FSHR: variants seen among roughly 807,000 people sequenced by gnomAD.
The protein encoded by FSHR is follicle stimulating hormone receptor.
In FSHR, 46 loss-of-function variants were observed where a neutral mutation model predicts 52.1. The ratio of observed to expected loss-of-function variants is 0.88; its 90% CI spans 0.70 to 1.13. FSHR has a LOEUF of 1.13. Among genes scored for constraint, FSHR ranks in the 50% most tolerant of loss-of-function variants. The probability of loss-of-function intolerance (pLI) is 0.00; values close to 1 mark genes in which losing one functional copy is unlikely to be tolerated. For missense variants in FSHR, 964 were observed against 834.6 expected (o/e 1.16, Z -1.91); for synonymous variants, 399 against 309.6 (o/e 1.29, Z -3.03).
At chr2:49,035,398 C>A (rs1171800662) in intron 2 of FSHR, among the ~76,000 whole-genome samples, 1 of 152,204 alleles carries the variant, frequency 6.6e-6, no homozygotes, top group African/African-American at 2.4e-5. Context: ...TAACATCATG[C>A]CCATCCAAGG....
intron 2 of FSHR, among the ~76,000 whole-genome samples, chr2:49,036,759 G>C (rs112088603): frequency 6.6e-6 from 1 of 152,152 alleles, no homozygotes; most frequent in East Asian, 1.9e-4. Flanking sequence ...CTTTAAAGGA[G>C]AGGGTGATAA....
intron 2 of FSHR, among the ~76,000 whole-genome samples, chr2:49,032,241 C>T (rs1241607541): frequency 1.3e-5 from 2 of 152,098 alleles, no homozygotes; most frequent in African/African-American, 4.8e-5. Context: ...TTGCTTTTGC[C>T]TTTATCAGGG....
rs543131250 is a variant in FSHR at position 48,998,448 on chromosome 2, G to T, written c.375-7811C>A. 2.6e-5 allele frequency among the ~76,000 whole-genome samples: 4 copies of T among 152,132 alleles called. No homozygotes were observed. In the East Asian group the frequency reaches 7.7e-4, roughly 29 times the overall value. ...CAATTTTCTAACCAGTTTGTTTCTCGTGGAGTTTTGAATGCTTTCATTAAA... is the reference window on the plus strand; with the variant it reads ...CAATTTTCTAACCAGTTTGTTTCTCTTGGAGTTTTGAATGCTTTCATTAAA... On this transcript the variant is annotated intron_variant, in intron 4 of 9. Transcript: ENST00000406846.
chr2:49,035,603 G>A (rs1048559443), intron 2 of FSHR, among the ~76,000 whole-genome samples: 7 of 152,122 alleles, frequency 4.6e-5, no homozygotes, highest in Admixed American at 3.3e-4. Context: ...CAAAACATCA[G>A]CCTATGAGAT....
intron 2 of FSHR, among the ~76,000 whole-genome samples, chr2:49,067,256 C>G (rs1463581203): frequency 1.3e-5 from 2 of 152,066 alleles, no homozygotes; most frequent in African/African-American, 4.8e-5. Flanking sequence ...GGCTTAATTG[C>G]TGGAACATAA....
At chr2:49,139,367 C>T (rs1207518857) in intron 1 of FSHR, among the ~76,000 whole-genome samples, 1 of 152,044 alleles carries the variant, frequency 6.6e-6, no homozygotes, top group Non-Finnish European at 1.5e-5. Flanking sequence ...AGGTAGAATA[C>T]TTATGAGTTA....
At position 49,004,531 on chromosome 2, in the gene FSHR, G is replaced by T. The variant is rs188436435; in HGVS notation, c.374+12958C>A. 2.6e-3 allele frequency among the ~76,000 whole-genome samples: 401 copies of T among 152,276 alleles called. 5 individuals are homozygous for T. Among genetic ancestry groups the T allele is most frequent in the East Asian group, 5.8e-3 (30 of 5,168 alleles). On this transcript the variant is annotated intron_variant, in intron 4 of 9. Coordinates refer to ENST00000406846, the MANE Select transcript of FSHR (RefSeq NM_000145.4). ...ACACTGGGAGCCCCAGATTCATGAA[G>T]ATCACAGTTCAGAAACCAAGCACTT... is the stretch of plus-strand genomic sequence containing the variant.
chr2:49,101,169 A>C (rs1461826173), intron 1 of FSHR, among the ~76,000 whole-genome samples: 1 of 152,210 alleles, frequency 6.6e-6, no homozygotes, highest in Admixed American at 6.5e-5. Flanking sequence ...AAAAACAGCA[A>C]ATGTAAAATA....
At chr2:49,031,224 T>A (rs1668090417) in intron 2 of FSHR, among the ~76,000 whole-genome samples, 2 of 152,196 alleles carry the variant, frequency 1.3e-5, no homozygotes, top group Non-Finnish European at 2.9e-5. Flanking sequence ...CAGATCTCAT[T>A]CCTCATGTTA....
chr2:49,154,204 A>G (rs1390133511), intron 1 of FSHR, 62 bp downstream of exon 1: 2 of 1,533,184 alleles, frequency 1.3e-6, no homozygotes, highest in Non-Finnish European at 1.8e-6. Context: ...TGTAAAAATA[A>G]TAATAGTACG....
intron 1 of FSHR, among the ~76,000 whole-genome samples, chr2:49,147,173 G>T (rs545799718): frequency 9.2e-5 from 14 of 152,172 alleles, no homozygotes; most frequent in African/African-American, 2.9e-4. Flanking sequence ...CATGCTCTGA[G>T]ATACTCCAGG....
intron 8 of FSHR, among the ~76,000 whole-genome samples, chr2:48,982,516 C>T (rs906978486): frequency 2.0e-5 from 3 of 152,238 alleles, no homozygotes; most frequent in Non-Finnish European, 4.4e-5. Context: ...TGAGTTAGAT[C>T]AGTTTAAATC....
At chr2:49,043,576 G>T (rs920681061) in intron 2 of FSHR, among the ~76,000 whole-genome samples, 1 of 152,150 alleles carries the variant, frequency 6.6e-6, no homozygotes, top group Non-Finnish European at 1.5e-5. Context: ...GAATCTGTCT[G>T]TTCTACACTG....
intron 1 of FSHR, among the ~76,000 whole-genome samples, chr2:49,132,967 GTAA>G (rs1672339527): frequency 3.5e-5 from 1 of 28,348 alleles, no homozygotes; most frequent in African/African-American, 1.6e-4. Flanking sequence ...TTAAAACTCA[GTAA>G]AAAAAAAAAA....
chr2:49,021,886 T>TATATATATATATATATATATATAGAG (rs1273265515), intron 2 of FSHR, among the ~76,000 whole-genome samples: 2 of 25,120 alleles, frequency 8.0e-5, no homozygotes, highest in Admixed American at 5.5e-4. Flanking sequence ...TATATATATA[T>TATATATATATATATATATATATAGAG]AGAGAGAGAG....
intron 4 of FSHR, among the ~76,000 whole-genome samples, chr2:49,002,526 G>T (rs947563519): frequency 6.6e-6 from 1 of 152,036 alleles, no homozygotes; most frequent in Admixed American, 6.6e-5. Context: ...GAGAAAGGGG[G>T]AGCAAACATG....
At chr2:48,988,250 A>G (rs1004155185) in intron 6 of FSHR, among the ~76,000 whole-genome samples, 1 of 152,220 alleles carries the variant, frequency 6.6e-6, no homozygotes, top group Non-Finnish European at 1.5e-5. Context: ...AAAACACAAC[A>G]GTTTGTAAAA....
At chr2:49,027,227 C>G (rs1368793897) in intron 2 of FSHR, among the ~76,000 whole-genome samples, 1 of 152,196 alleles carries the variant, frequency 6.6e-6, no homozygotes, top group Non-Finnish European at 1.5e-5. Context: ...TTCCCACCAT[C>G]ATTGTCAGCT....
At chr2:48,969,187 C>A (rs1674620312) in intron 8 of FSHR, among the ~76,000 whole-genome samples, 1 of 152,172 alleles carries the variant, frequency 6.6e-6, no homozygotes, top group Admixed American at 6.5e-5. Flanking sequence ...GAATTAGCCA[C>A]CTTCCCTTCT....
Sources: gnomAD v4.1 joint callset for allele counts (sites outside exome capture counted in the v4.1 genomes callset) on GRCh38, gnomAD v4.1.1 for gene constraint, MANE v1.5 for transcripts, NCBI Gene and HGNC (gene_info 2026-07-23, HGNC 2026-07-21) for gene names.